Variants in SRPK2 observed in about 807,000 individuals in gnomAD.
The protein encoded by SRPK2 is SFRS protein kinase 2.
Under a neutral mutation model 90.8 loss-of-function variants are expected in SRPK2, and 21 were observed. That is an observed-to-expected ratio of 0.23 (90% CI 0.16 to 0.33). The LOEUF is 0.33. SRPK2 is among the 10% of genes least tolerant of loss of function. SRPK2 has a pLI of 1.00. For synonymous variants in SRPK2, 288 were observed against 311.1 expected (o/e 0.93, Z 0.78); for missense variants, 620 against 869.0 (o/e 0.71, Z 3.60).
intron 2 of SRPK2, among the ~76,000 whole-genome samples, chr7:105,383,284 G>A (rs1334110385): frequency 6.6e-6 from 1 of 150,468 alleles, no homozygotes; most frequent in Non-Finnish European, 1.5e-5. Flanking sequence ...AGCCAGGATG[G>A]TCTCGATCTC....
At chr7:105,399,153 C>T (rs1242310947) in intron 1 of SRPK2, 1 of 152,160 alleles carries the variant, frequency 6.6e-6, no homozygotes, top group African/African-American at 2.4e-5. Context: ...TTTCATAACT[C>T]ACAGTTTTTG....
intron 6 of SRPK2, among the ~76,000 whole-genome samples, chr7:105,165,151 T>C (rs1789870679): frequency 1.3e-5 from 2 of 152,236 alleles, no homozygotes; most frequent in Non-Finnish European, 2.9e-5. Context: ...CACTTCTCCC[T>C]GGAGCTACCC....
intron 3 of SRPK2, among the ~76,000 whole-genome samples, chr7:105,194,788 T>C (rs1032400053): frequency 6.6e-6 from 1 of 152,168 alleles, no homozygotes; most frequent in Non-Finnish European, 1.5e-5. Context: ...ATTCAAGGCA[T>C]GCTATACAAA....
chr7:105,197,656 G>A (rs1263698114), intron 3 of SRPK2, among the ~76,000 whole-genome samples: 1 of 152,164 alleles, frequency 6.6e-6, no homozygotes, highest in Non-Finnish European at 1.5e-5. Flanking sequence ...ACTAGAGAGG[G>A]GGAGATACAT....
chr7:105,274,221 C>T (rs1482040814), intron 2 of SRPK2, among the ~76,000 whole-genome samples: 2 of 152,112 alleles, frequency 1.3e-5, no homozygotes, highest in African/African-American at 4.8e-5. Context: ...AAAGGACCCT[C>T]AAGCCTCCAA....
At chr7:105,319,504 C>CGGGGGGGGGGGGGGGGGGGGGG (rs796955446) in intron 2 of SRPK2, among the ~76,000 whole-genome samples, 1 of 5,286 alleles carries the variant, frequency 1.9e-4, no homozygotes. Flanking sequence ...GCACTTGCGG[C>CGGGGGGGGGGGGGGGGGGGGGG]GGGGGGGGGG....
chr7:105,269,143 A>G, intron 2 of SRPK2: 1 of 1,009,970 alleles, frequency 9.9e-7, no homozygotes, highest in Non-Finnish European at 1.2e-6. Flanking sequence ...TAGAACTAGC[A>G]TGGTTCTACA....
In SRPK2 at chr7:105,146,631, T is replaced by A; in HGVS notation, c.649A>T (p.Ser217Cys). Residue 217 changes from serine to cysteine, a missense_variant, in exon 8 of 16, where the codon AGT (serine) becomes TGT (cysteine). By Grantham distance (112) the Ser-to-Cys change is moderately radical. Around this residue, in one of 8 missense-constraint regions of SRPK2, gnomAD observed 196 missense variants for 339.2 expected, o/e 0.58. Coordinates refer to ENST00000393651, the MANE Select transcript of SRPK2 (RefSeq NM_182692.3). ...TCAGTATGAATGATCTTGCACTTAC[T>A]GTGTAAGTAATCTAACCCTTGAAGG... ...QVLQGLDYLH[S>C]KCKIIHTDIK... 1.2e-6 allele frequency: 2 copies of A among 1,614,200 alleles called. No homozygotes were observed. Among genetic ancestry groups the A allele is most frequent in the Admixed American group, 3.3e-5 (2 of 60,036 alleles).
intron 7 of SRPK2, chr7:105,160,193 TG>T (rs1463637014): frequency 5.6e-6 from 1 of 179,364 alleles, no homozygotes; most frequent in Non-Finnish European, 1.2e-5. Context: ...ATGAACTAAG[TG>T]GATGTTTTAT....
intron 2 of SRPK2, among the ~76,000 whole-genome samples, chr7:105,254,604 T>C (rs1802967246): frequency 6.6e-6 from 1 of 152,210 alleles, no homozygotes; most frequent in Non-Finnish European, 1.5e-5. Context: ...GAAAATCATT[T>C]CTCAGTATGA....
chr7:105,334,300 C>T (rs1390148652), intron 2 of SRPK2, among the ~76,000 whole-genome samples: 1 of 152,148 alleles, frequency 6.6e-6, no homozygotes, highest in Non-Finnish European at 1.5e-5. Context: ...CAGATGGTCT[C>T]ATCTCTTGAC....
intron 2 of SRPK2, among the ~76,000 whole-genome samples, chr7:105,272,009 T>C (rs558001706): frequency 2.0e-5 from 3 of 152,234 alleles, no homozygotes; most frequent in Non-Finnish European, 4.4e-5. Context: ...TATTTGCATG[T>C]AAATCTTAGA....
At chr7:105,324,215 G>T (rs1342851358) in intron 2 of SRPK2, among the ~76,000 whole-genome samples, 1 of 151,808 alleles carries the variant, frequency 6.6e-6, no homozygotes, top group Non-Finnish European at 1.5e-5. Context: ...CACTATGGTG[G>T]CCAGGCTGGT....
At chr7:105,389,413 C>T (rs969135720), upstream of SRPK2, 35 of 1,220,876 alleles carry the variant, frequency 2.9e-5, no homozygotes, top group Non-Finnish European at 3.7e-5. Flanking sequence ...AAAGGGCACA[C>T]GACCAAAAGC....
intron 2 of SRPK2, among the ~76,000 whole-genome samples, chr7:105,306,894 T>C (rs566438620): frequency 6.6e-6 from 1 of 152,338 alleles, no homozygotes; most frequent in South Asian, 2.1e-4. Context: ...AACTTGATTA[T>C]AGATATGGAG....
intron 2 of SRPK2, among the ~76,000 whole-genome samples, chr7:105,285,539 T>A (rs1807979223): frequency 6.6e-6 from 1 of 152,322 alleles, no homozygotes; most frequent in East Asian, 1.9e-4. Flanking sequence ...AATCTCCTGC[T>A]GAAATGTAAT....
chr7:105,338,313 G>T (rs1005518613), intron 2 of SRPK2, among the ~76,000 whole-genome samples: 12 of 152,142 alleles, frequency 7.9e-5, no homozygotes, highest in African/African-American at 2.7e-4. Context: ...TCCGCTCACT[G>T]CAACCTCCAC....
intron 2 of SRPK2, among the ~76,000 whole-genome samples, chr7:105,356,656 C>G (rs570857365): frequency 1.3e-5 from 2 of 152,270 alleles, no homozygotes; most frequent in South Asian, 4.1e-4. Context: ...ATCATACATA[C>G]TCAGCTTAAA....
chr7:105,220,538 A>G (rs1585224670), intron 2 of SRPK2, among the ~76,000 whole-genome samples: 1 of 152,210 alleles, frequency 6.6e-6, no homozygotes, highest in East Asian at 1.9e-4. Flanking sequence ...AAAGAAAAAA[A>G]GAGTTAATAC....
Sources: gnomAD v4.1 joint callset for allele counts (sites outside exome capture counted in the v4.1 genomes callset) on GRCh38, gnomAD v4.1.1 for gene constraint, gnomAD v4.1.1 regional missense constraint, MANE v1.5 for transcripts, NCBI Gene and HGNC (gene_info 2026-07-23, HGNC 2026-07-21) for gene names.